Variants in CACNG5 observed in about 807,000 individuals in gnomAD.
The protein encoded by CACNG5 is calcium voltage-gated channel auxiliary subunit gamma 5.
Under a neutral mutation model 24.8 loss-of-function variants are expected in CACNG5, and 18 were observed. The ratio of observed to expected loss-of-function variants is 0.73; its 90% confidence interval spans 0.50 to 1.08. The LOEUF (loss-of-function observed/expected upper bound fraction) is 1.08. CACNG5 is among the 50% of genes least tolerant of loss of function. The probability of loss-of-function intolerance (pLI) is 0.00; values close to 1 mark genes in which losing one functional copy is unlikely to be tolerated. For missense variants in CACNG5, 349 were observed against 367.9 expected (o/e 0.95, Z 0.42); for synonymous variants, 157 against 149.1 (o/e 1.05, Z -0.39).
intron 1 of CACNG5, among the ~76,000 whole-genome samples, chr17:66,849,310 A>G (rs1451846403): frequency 1.5e-5 from 2 of 132,158 alleles, no homozygotes; most frequent in Non-Finnish European, 3.3e-5. Context: ...GGTTGGGGGC[A>G]GGGGTGGGGG....
intron 1 of CACNG5, among the ~76,000 whole-genome samples, chr17:66,840,219 G>A (rs184254533): frequency 6.6e-6 from 1 of 152,300 alleles, no homozygotes; most frequent in African/African-American, 2.4e-5. Flanking sequence ...CTCCCAATCC[G>A]CCCAGCCACG....
At chr17:66,848,059 T>C (rs1246944761) in intron 1 of CACNG5, among the ~76,000 whole-genome samples, 1 of 152,170 alleles carries the variant, frequency 6.6e-6, no homozygotes, top group East Asian at 1.9e-4. Flanking sequence ...ATGGAAAATG[T>C]CTTTCTCACC....
chr17:66,869,133 G>A (rs1483963771), intron 1 of CACNG5, among the ~76,000 whole-genome samples: 1 of 151,962 alleles, frequency 6.6e-6, no homozygotes, highest in South Asian at 2.1e-4. Context: ...ATCCAGGTTG[G>A]AGTACAATGG....
chr17:66,889,935 G>A lies in CACNG5; in HGVS notation c.*4695G>A, dbSNP rs147936068. 2.6e-5 allele frequency among the ~76,000 whole-genome samples: 4 copies of A among 152,282 alleles called. No individual in the cohort carries two copies. Among genetic ancestry groups the A allele is most frequent in the East Asian group, 1.9e-4 (1 of 5,188 alleles). On this transcript the variant is annotated 3_prime_UTR_variant, in exon 6 of 6. Transcript: ENST00000533854. ...AAGTGGAGAAAGGACAGCGGAGGCC[G>A]GGGGAGCCACATTCCACCTAAGGCC...
At position 66,884,629 on chromosome 17, in the gene CACNG5, G is replaced by T; in HGVS notation, c.538G>T (p.Ala180Ser). ...CAACTACAAGTATGGGTGGTCGTTT[G>T]CCTTCGCCGCCATCTCCTTCCTTTT... ...YFNYKYGWSF[A>S]FAAISFLLTE... The change falls in exon 5 of 6, where the codon GCC (alanine) becomes TCC (serine). Residue 180 changes from alanine (A) to serine (S), a missense_variant. By Grantham distance (99) the Ala-to-Ser change is moderately conservative (BLOSUM62 1). Transcript: ENST00000533854. The T allele has an allele frequency of 6.2e-7, 1 of 1,614,186 alleles. No homozygotes were observed.
intron 1 of CACNG5, among the ~76,000 whole-genome samples, chr17:66,837,822 A>T (rs1048335041): frequency 8.6e-5 from 13 of 152,036 alleles, no homozygotes; most frequent in Admixed American, 3.9e-4. Context: ...TTCTGCAGAG[A>T]CAGGCCCAGC....
At chr17:66,839,675 G>C in intron 1 of CACNG5, among the ~76,000 whole-genome samples, 1 of 143,256 alleles carries the variant, frequency 7.0e-6, no homozygotes, top group Middle Eastern at 3.5e-3. Context: ...ATGGAGGGGG[G>C]TCAGTGAGTC....
rs377044985 is a variant in CACNG5, at chr17:66,885,162, C to T, written c.750C>T (p.Ala250=). 1.7e-5 allele frequency: 27 copies of T among 1,612,908 alleles called. No individual in the cohort carries two copies. The highest frequency in any genetic ancestry group is 2.2e-5 in the Non-Finnish European group (26 of 1,179,972). The change falls in exon 6 of 6, where the codon GCC becomes GCT. Residue 250 remains alanine, a synonymous_variant. Coordinates refer to ENST00000533854, the MANE Select transcript of CACNG5 (RefSeq NM_145811.3). ...GCCCCTCCGACATCTCCAGCGAGGC[C>T]TCCCTGCAGATGAACAGCAACTACC... is the stretch of plus-strand genomic sequence containing the variant. The part of the protein sequence containing the change: ...GRSPSDISSE[A]SLQMNSNYPA...
intron 3 of CACNG5, among the ~76,000 whole-genome samples, chr17:66,880,291 A>G (rs1977138517): frequency 6.6e-6 from 1 of 152,214 alleles, no homozygotes; most frequent in African/African-American, 2.4e-5. Flanking sequence ...CCAGGAGGGT[A>G]GTAGCTTATG....
At chr17:66,855,990 G>GTTT (rs1192926824) in intron 1 of CACNG5, among the ~76,000 whole-genome samples, 4 of 152,150 alleles carry the variant, frequency 2.6e-5, no homozygotes, top group Non-Finnish European at 5.9e-5. Flanking sequence ...TGTTGTTGTT[G>GTTT]TCGTTTAACA....
In CACNG5 at chr17:66,855,410, G is replaced by T. The variant is rs189668337; in HGVS notation, c.-104+20160G>T. On this transcript the variant is annotated intron_variant, in intron 1 of 5. Coordinates refer to ENST00000533854, the MANE Select transcript of CACNG5 (RefSeq NM_145811.3). ...CGCACCACCATGTTCAACCGACAGG[G>T]GGCGACCTCTTCCCTGGTTGGGCAT... 9.8e-4 allele frequency among the ~76,000 whole-genome samples: 150 copies of T among 152,294 alleles called. 1 individual carries two copies. Among genetic ancestry groups the T allele is most frequent in the African/African-American group, 3.5e-3 (146 of 41,570 alleles).
In CACNG5 at chr17:66,879,044, C is replaced by T. The variant is rs758258180; in HGVS notation, c.269C>T (p.Thr90Met). The T allele has an allele frequency of 1.6e-5, 26 of 1,613,730 alleles. No individual in the cohort carries two copies. Among genetic ancestry groups the T allele is most frequent in the Middle Eastern group, 1.7e-4 (1 of 6,034 alleles). Reference sequence around the variant, plus strand: ...AACACCCAGCTGACATCCGAGTCCACGGTCAATGTTCTAAGTAAGTGCCTT... The same window carrying T: ...AACACCCAGCTGACATCCGAGTCCATGGTCAATGTTCTAAGTAAGTGCCTT... ...PMNTQLTSES[T>M]VNVLKMIRSA... The change falls in exon 3 of 6, where the codon ACG becomes ATG. Residue 90 changes from threonine (T) to methionine (M), a missense_variant. Thr to Met is a moderately conservative substitution (Grantham distance 81, BLOSUM62 -1). Transcript: ENST00000533854.
At chr17:66,862,892 C>CTCTCTCTCTCTGTGTGTGTG (rs567913804) in intron 1 of CACNG5, among the ~76,000 whole-genome samples, 1 of 142,260 alleles carries the variant, frequency 7.0e-6, no homozygotes, top group African/African-American at 2.7e-5. Context: ...AGCATATTCT[C>CTCTCTCTCTCTGTGTGTGTG]TGTGTGTGTG....
intron 1 of CACNG5, among the ~76,000 whole-genome samples, chr17:66,837,576 A>T (rs960289748): frequency 6.6e-6 from 1 of 152,312 alleles, no homozygotes; most frequent in South Asian, 2.1e-4. Flanking sequence ...ACCCCTGCCC[A>T]CCAAATATCA....
At chr17:66,846,861 C>T (rs143779541) in intron 1 of CACNG5, among the ~76,000 whole-genome samples, 1 of 152,336 alleles carries the variant, frequency 6.6e-6, no homozygotes, top group Admixed American at 6.5e-5. Flanking sequence ...TCCACAGTGG[C>T]TGCATCACTT....
chr17:66,886,662 G>A lies in CACNG5; in HGVS notation c.*1422G>A, dbSNP rs114934864. Among the ~76,000 whole-genome samples the A allele has an allele frequency of 3.4e-3, 521 of 152,310 alleles. 4 individuals carry two copies. The highest frequency in any genetic ancestry group is 0.012 in the African/African-American group (490 of 41,576). On this transcript the variant is annotated 3_prime_UTR_variant, in exon 6 of 6. Transcript: ENST00000533854. ...TCTGAGAACAGAAAGCCATGGTGGC[G>A]ACACGTGGGCTCCAGCACGTAGTCC... is the stretch of plus-strand genomic sequence containing the variant.
intron 1 of CACNG5, 119 bp downstream of exon 1, chr17:66,835,369 AG>A: frequency 6.6e-6 from 1 of 152,468 alleles, no homozygotes; most frequent in Non-Finnish European, 1.5e-5. Flanking sequence ...CAGCCCAGCC[AG>A]GGGCAGGGGC....
chr17:66,868,614 G>T (rs1368680843), intron 1 of CACNG5, among the ~76,000 whole-genome samples: 1 of 152,110 alleles, frequency 6.6e-6, no homozygotes, highest in Non-Finnish European at 1.5e-5. Context: ...CTAACTAAAA[G>T]GATCCCAGGT....
At chr17:66,861,145 G>A (rs1976851590) in intron 1 of CACNG5, among the ~76,000 whole-genome samples, 1 of 152,134 alleles carries the variant, frequency 6.6e-6, no homozygotes, top group Non-Finnish European at 1.5e-5. Context: ...ATACAGAATT[G>A]TAATATATTT....
Sources: allele counts gnomAD v4.1 joint callset (sites outside exome capture counted in the v4.1 genomes callset), GRCh38; gene constraint gnomAD v4.1.1; transcripts MANE v1.5; gene names NCBI Gene and HGNC (gene_info 2026-07-23, HGNC 2026-07-21).